Variants in MAGI1 observed in about 807,000 individuals in gnomAD.
MAGI1 encodes membrane associated guanylate kinase, WW and PDZ domain containing 1.
In MAGI1, 58 loss-of-function variants were observed where a neutral mutation model predicts 139.9. The ratio of observed to expected loss-of-function variants is 0.41; its 90% CI spans 0.34 to 0.52. The LOEUF (loss-of-function observed/expected upper bound fraction) is 0.52. MAGI1 is among the 20% of genes least tolerant of loss of function. The probability of loss-of-function intolerance (pLI) is 0.12; values close to 1 mark genes in which losing one functional copy is unlikely to be tolerated. For synonymous variants in MAGI1, 812 were observed against 737.9 expected (o/e 1.10, Z -1.63); for missense variants, 1,874 against 1,901.6 (o/e 0.99, Z 0.27).
chr3:65,474,083 T>G (rs1270325087), intron 4 of MAGI1, among the ~76,000 whole-genome samples: 3 of 152,038 alleles, frequency 2.0e-5, no homozygotes. Context: ...CTAGGCAACA[T>G]AGTGAGACCA....
At chr3:65,379,647 C>G (rs941882068) in intron 16 of MAGI1, 93 bp from the exon 17 acceptor site, 1 of 1,530,470 alleles carries the variant, frequency 6.5e-7, no homozygotes, top group African/African-American at 1.4e-5. Context: ...TGCTAGAAAT[C>G]AAAACGTGAA....
chr3:65,932,045 G>T (rs2062829415), intron 1 of MAGI1, among the ~76,000 whole-genome samples: 1 of 152,076 alleles, frequency 6.6e-6, no homozygotes, highest in African/African-American at 2.4e-5. Context: ...CAAACACATG[G>T]AAACAGGGGA....
intron 2 of MAGI1, among the ~76,000 whole-genome samples, chr3:65,584,971 T>C (rs931446213): frequency 2.6e-5 from 4 of 152,186 alleles, no homozygotes; most frequent in Non-Finnish European, 2.9e-5. Flanking sequence ...ACGGGCCAAA[T>C]TGATTCACCT....
At chr3:65,534,914 A>G (rs985953627) in intron 2 of MAGI1, among the ~76,000 whole-genome samples, 3 of 152,136 alleles carry the variant, frequency 2.0e-5, no homozygotes, top group African/African-American at 7.2e-5. Context: ...CCCCATCACC[A>G]TGGCAGGTAA....
chr3:65,850,008 C>T (rs2059149320), intron 1 of MAGI1, among the ~76,000 whole-genome samples: 1 of 152,064 alleles, frequency 6.6e-6, no homozygotes. Flanking sequence ...ATTAATTTAT[C>T]AATTATGTAC....
At chr3:65,672,638 G>A (rs1338434509) in intron 1 of MAGI1, among the ~76,000 whole-genome samples, 1 of 152,186 alleles carries the variant, frequency 6.6e-6, no homozygotes, top group African/African-American at 2.4e-5. Context: ...GGAGAAGAAG[G>A]AGAAAATGTC....
At chr3:65,517,825 C>A (rs574227672) in intron 2 of MAGI1, among the ~76,000 whole-genome samples, 1 of 152,126 alleles carries the variant, frequency 6.6e-6, no homozygotes, top group African/African-American at 2.4e-5. Flanking sequence ...AAGTTATTTC[C>A]TTTGTGTGAC....
chr3:65,401,372 T>TA, intron 13 of MAGI1, 67 bp downstream of exon 13: 31 of 778,184 alleles, frequency 4.0e-5, no homozygotes, highest in Non-Finnish European at 4.9e-5. Flanking sequence ...CAGAGTACCC[T>TA]CCCACCTCCA....
At chr3:65,679,168 C>A (rs2087401829) in intron 1 of MAGI1, among the ~76,000 whole-genome samples, 2 of 151,656 alleles carry the variant, frequency 1.3e-5, no homozygotes, top group Non-Finnish European at 1.5e-5. Flanking sequence ...CAAAAAAAAA[C>A]AAAATAAAAT....
At chr3:65,629,248 G>C (rs962820391) in intron 1 of MAGI1, among the ~76,000 whole-genome samples, 1 of 152,126 alleles carries the variant, frequency 6.6e-6, no homozygotes, top group Non-Finnish European at 1.5e-5. Flanking sequence ...GAACACTTTT[G>C]AGTCTTCTTA....
At chr3:65,985,188 T>C (rs188195490) in intron 1 of MAGI1, among the ~76,000 whole-genome samples, 1 of 152,198 alleles carries the variant, frequency 6.6e-6, no homozygotes, top group Non-Finnish European at 1.5e-5. Context: ...CTGAATATTA[T>C]TGGATGGAGA....
At chr3:65,553,621 C>T (rs6775096) in intron 2 of MAGI1, among the ~76,000 whole-genome samples, 84,184 of 151,950 alleles carry the variant, frequency 0.55, 25,286 homozygotes, top group East Asian at 0.77. Flanking sequence ...CTAATAACAG[C>T]GGTGCAAGGG....
intron 1 of MAGI1, among the ~76,000 whole-genome samples, chr3:65,803,785 T>C (rs932060770): frequency 6.6e-6 from 1 of 152,108 alleles, no homozygotes; most frequent in African/African-American, 2.4e-5. Context: ...CACTTACAAG[T>C]GAGAACATGC....
At chr3:65,591,757 C>G in intron 2 of MAGI1, among the ~76,000 whole-genome samples, 1 of 152,214 alleles carries the variant, frequency 6.6e-6, no homozygotes, top group East Asian at 1.9e-4. Context: ...CTTGCTGTTC[C>G]TCTGAAAATG....
intron 5 of MAGI1, among the ~76,000 whole-genome samples, chr3:65,469,494 T>C (rs1198100260): frequency 4.6e-5 from 7 of 152,124 alleles, no homozygotes; most frequent in Middle Eastern, 3.4e-3. Flanking sequence ...CTTTTTTTTT[T>C]CCTTTTCAGA....
At chr3:65,811,392 A>G (rs1172564416) in intron 1 of MAGI1, among the ~76,000 whole-genome samples, 1 of 152,214 alleles carries the variant, frequency 6.6e-6, no homozygotes, top group African/African-American at 2.4e-5. Context: ...CAAGCCCAGA[A>G]GCCAACCCTC....
intron 1 of MAGI1, among the ~76,000 whole-genome samples, chr3:65,842,160 T>G (rs1195114146): frequency 2.0e-5 from 3 of 152,174 alleles, no homozygotes; most frequent in Non-Finnish European, 4.4e-5. Context: ...TATGGAGCCC[T>G]TTCCTAGAGA....
At chr3:65,892,952 G>C (rs1322090367) in intron 1 of MAGI1, among the ~76,000 whole-genome samples, 2 of 152,158 alleles carry the variant, frequency 1.3e-5, no homozygotes, top group Non-Finnish European at 2.9e-5. Flanking sequence ...CAGATTTGTA[G>C]CTTTTAGCCT....
At chr3:65,872,012 G>GAGTCCT (rs2059955803) in intron 1 of MAGI1, among the ~76,000 whole-genome samples, 1 of 152,274 alleles carries the variant, frequency 6.6e-6, no homozygotes, top group East Asian at 1.9e-4. Flanking sequence ...CAACTTATCA[G>GAGTCCT]AGTTCTCGCT....
Sources: allele counts gnomAD v4.1 joint callset (sites outside exome capture counted in the v4.1 genomes callset), GRCh38; gene constraint gnomAD v4.1.1; transcripts MANE v1.5; gene names NCBI Gene and HGNC (gene_info 2026-07-23, HGNC 2026-07-21).